Variants in EYA1 observed in about 807,000 individuals in gnomAD.
The protein encoded by EYA1 is EYA transcriptional coactivator and phosphatase 1.
EYA1 carries 16 observed loss-of-function variants against 82.0 expected under a neutral mutation model. The ratio of observed to expected loss-of-function variants is 0.20; its 90% CI spans 0.13 to 0.30. The LOEUF (loss-of-function observed/expected upper bound fraction) is 0.30, where lower values mean the gene tolerates loss of function less well. Among genes scored for constraint, EYA1 ranks in the 10% least tolerant of loss-of-function variants. EYA1 has a pLI of 1.00. For synonymous variants in EYA1, 261 were observed against 264.4 expected (o/e 0.99, Z 0.12); for missense variants, 633 against 730.7 (o/e 0.87, Z 1.54).
At chr8:71,223,202 C>G (rs528993289) in intron 12 of EYA1, among the ~76,000 whole-genome samples, 2 of 152,136 alleles carry the variant, frequency 1.3e-5, no homozygotes, top group South Asian at 4.2e-4. Context: ...AGCTGAGGAC[C>G]AGGAAAACGG....
chr8:71,443,168 T>C (rs4738134), intron 2 of EYA1, among the ~76,000 whole-genome samples: 75,147 of 151,958 alleles, frequency 0.49, 21,299 homozygotes, highest in African/African-American at 0.76. Flanking sequence ...AATAACCCAC[T>C]GCCTCTCCAC....
At chr8:71,218,634 T>A (rs1809505196) in intron 12 of EYA1, among the ~76,000 whole-genome samples, 1 of 152,202 alleles carries the variant, frequency 6.6e-6, no homozygotes, top group Non-Finnish European at 1.5e-5. Context: ...TTTAACATTT[T>A]AAAAACAGGT....
intron 2 of EYA1, among the ~76,000 whole-genome samples, chr8:71,468,909 C>T (rs189419150): frequency 2.4e-4 from 37 of 152,130 alleles, no homozygotes; most frequent in African/African-American, 7.0e-4. Flanking sequence ...GGAGGCATTA[C>T]GTCTTATTTT....
At chr8:71,252,246 G>A (rs1035788428) in intron 11 of EYA1, among the ~76,000 whole-genome samples, 5 of 151,858 alleles carry the variant, frequency 3.3e-5, no homozygotes, top group Admixed American at 2.6e-4. Flanking sequence ...TTTTTGCAGG[G>A]CTAAGTCATT....
chr8:71,249,181 T>C (rs1813456467), intron 11 of EYA1, among the ~76,000 whole-genome samples: 1 of 152,160 alleles, frequency 6.6e-6, no homozygotes, highest in Non-Finnish European at 1.5e-5. Context: ...ACTCTCTTCT[T>C]GACATTTCTC....
Position 71,361,787 on chromosome 8 carries a change from T to C in EYA1, c.-195A>G, listed in dbSNP as rs892848400. 2.0e-6 allele frequency: 2 copies of C among 985,448 alleles called. No individual in the cohort carries two copies. Among genetic ancestry groups the C allele is most frequent in the Non-Finnish European group, 2.4e-6 (2 of 829,950 alleles). The allele number at this position is 985,448 out of a possible 1,614,324, so 61.0% of individuals were successfully genotyped here. On this transcript the variant is annotated 5_prime_UTR_variant, in exon 1 of 18. Coordinates refer to ENST00000340726, the MANE Select transcript of EYA1 (RefSeq NM_000503.6). ...AGGCGCTCTGGTGCAGCCGCGGCGC[T>C]TCTGGGAGTGGAGCGCCTCTGCAGG...
chr8:71,501,253 C>T lies in EYA1; in HGVS notation c.33+34491G>A, dbSNP rs143406549. Among the ~76,000 whole-genome samples the T allele has an allele frequency of 1.9e-4, 29 of 152,254 alleles. 1 individual carries two copies. In the East Asian group the frequency reaches 5.6e-3, roughly 29 times the overall value. ...CCTGGGATAAAAAGGAAGCCGGGGT[C>T]CCCTAGGGGGAAGGATGTCAAAAAC... On this transcript the variant is annotated intron_variant, in intron 2 of 18. Coordinates refer to the EYA1 transcript ENST00000643681.
chr8:71,335,636 G>C (rs1373157762), intron 3 of EYA1, among the ~76,000 whole-genome samples: 2 of 152,030 alleles, frequency 1.3e-5, no homozygotes, highest in African/African-American at 2.4e-5. Flanking sequence ...TCTGACATAA[G>C]CCTGTATTTC....
At chr8:71,256,322 T>C (rs1425050740) in intron 11 of EYA1, among the ~76,000 whole-genome samples, 8 of 152,068 alleles carry the variant, frequency 5.3e-5, no homozygotes, top group Admixed American at 4.6e-4. Flanking sequence ...TTGATAGATA[T>C]ATCAAAAAAA....
At chr8:71,313,618 G>A (rs1821596104) in intron 7 of EYA1, among the ~76,000 whole-genome samples, 1 of 152,102 alleles carries the variant, frequency 6.6e-6, no homozygotes, top group South Asian at 2.1e-4. Context: ...CAGTATTGTG[G>A]GAGTAGATCT....
rs796429484 is a variant in EYA1 at position 71,489,306 on chromosome 8, CT to C, written c.33+46437del. ...CCCTGGGTTCATTTTACTTTTCTAT[CT>C]TTTTTTTTTCCTACCATAGTTTCTT... On this transcript the variant is annotated intron_variant, in intron 2 of 18. Transcript: ENST00000643681. 3.1e-4 allele frequency among the ~76,000 whole-genome samples: 47 copies of C among 149,550 alleles called. No individual in the cohort carries two copies. The East Asian group carries it at 4.5e-3, about 14-fold the overall frequency.
intron 1 of EYA1, among the ~76,000 whole-genome samples, chr8:71,538,105 T>C (rs1055676747): frequency 6.6e-6 from 1 of 152,196 alleles, no homozygotes; most frequent in Non-Finnish European, 1.5e-5. Flanking sequence ...GATTTCTACA[T>C]GTCAATCCAA....
chr8:71,544,596 G>A (rs1312578286), intron 1 of EYA1, among the ~76,000 whole-genome samples: 1 of 152,142 alleles, frequency 6.6e-6, no homozygotes, highest in Non-Finnish European at 1.5e-5. Context: ...TATACAAAAT[G>A]ATCCTTGAAA....
At chr8:71,298,749 A>AATTAT (rs1819859657) in intron 9 of EYA1, among the ~76,000 whole-genome samples, 2 of 152,238 alleles carry the variant, frequency 1.3e-5, no homozygotes, top group Non-Finnish European at 2.9e-5. Flanking sequence ...TTATAGTTAT[A>AATTAT]GCTAAGTATT....
At chr8:71,237,321 C>A (rs1471877160) in intron 12 of EYA1, among the ~76,000 whole-genome samples, 1 of 152,078 alleles carries the variant, frequency 6.6e-6, no homozygotes, top group Admixed American at 6.6e-5. Flanking sequence ...AAGTGAAATC[C>A]AACATTTTTC....
chr8:71,309,086 G>A (rs1821051183), intron 7 of EYA1, among the ~76,000 whole-genome samples: 1 of 152,160 alleles, frequency 6.6e-6, no homozygotes, highest in South Asian at 2.1e-4. Context: ...GATTTTAAAT[G>A]ACCAAGTTTT....
At chr8:71,264,407 T>C (rs1325189070) in intron 11 of EYA1, among the ~76,000 whole-genome samples, 1 of 152,174 alleles carries the variant, frequency 6.6e-6, no homozygotes, top group African/African-American at 2.4e-5. Flanking sequence ...AGGCTGTTTA[T>C]CTAAACTCAC....
In EYA1 at chr8:71,361,711, C is replaced by G. The variant is rs1313618944; in HGVS notation, c.-119G>C. On this transcript the variant is annotated 5_prime_UTR_variant, in exon 1 of 18. Coordinates refer to ENST00000340726, the MANE Select transcript of EYA1 (RefSeq NM_000503.6). ...CTTCGAATTTTCTGGGTTAGCAAACCTCCATTCCTGACATAGTTTTGCTCC... is the reference window on the plus strand; with the variant it reads ...CTTCGAATTTTCTGGGTTAGCAAACGTCCATTCCTGACATAGTTTTGCTCC... 9 of 985,358 alleles carry G rather than the reference C, an allele frequency of 9.1e-6. No homozygotes were observed. The highest frequency in any genetic ancestry group is 1.1e-5 in the Non-Finnish European group (9 of 829,976). 61.0% of individuals were successfully genotyped at this position (985,358 alleles called of 1,614,324 possible).
chr8:71,502,108 T>A (rs1811853993), intron 2 of EYA1, among the ~76,000 whole-genome samples: 1 of 152,208 alleles, frequency 6.6e-6, no homozygotes, highest in African/African-American at 2.4e-5. Context: ...AAAATGATTT[T>A]AAAAATGTCT....
Sources: gnomAD v4.1 joint callset for allele counts (sites outside exome capture counted in the v4.1 genomes callset) on GRCh38, gnomAD v4.1.1 for gene constraint, MANE v1.5 for transcripts, NCBI Gene and HGNC (gene_info 2026-07-23, HGNC 2026-07-21) for gene names.